The following HDAC1 variants were observed in gnomAD, a reference collection of about 807,000 sequenced individuals.
HDAC1 encodes the protein protein deacetylase HDAC1.
In HDAC1, 18 loss-of-function variants were observed where a neutral mutation model predicts 65.5. The observed-to-expected ratio is 0.27, with a 90% CI of 0.19 to 0.41. The LOEUF is 0.41. Among genes scored for constraint, HDAC1 ranks in the 10% least tolerant of loss-of-function variants. The pLI is 1.00. For synonymous variants in HDAC1, 211 were observed against 227.9 expected (o/e 0.93, Z 0.67); for missense variants, 373 against 625.2 (o/e 0.60, Z 4.30).
intron 2 of HDAC1, among the ~76,000 whole-genome samples, chr1:32,303,498 C>T (rs1302307336): frequency 2.0e-5 from 3 of 151,792 alleles, no homozygotes; most frequent in Non-Finnish European, 4.4e-5. Context: ...AATTTAATGC[C>T]TAAATAAGAG....
chr1:32,298,790 GA>G (rs1294109451), intron 1 of HDAC1, among the ~76,000 whole-genome samples: 2 of 151,944 alleles, frequency 1.3e-5, no homozygotes, highest in African/African-American at 4.8e-5. Context: ...TTGAGGTCAG[GA>G]GTTCAAGACA....
chr1:32,295,551 C>T (rs1640758027), intron 1 of HDAC1, among the ~76,000 whole-genome samples: 1 of 152,076 alleles, frequency 6.6e-6, no homozygotes, highest in African/African-American at 2.4e-5. Context: ...TCAGTGTTTT[C>T]ATATGACAGA....
Position 32,327,176 on chromosome 1 carries a change from G to A in HDAC1, c.494+99G>A, listed in dbSNP as rs935361375. On this transcript the variant is annotated intron_variant, in intron 5 of 13. Coordinates refer to ENST00000373548, the MANE Select transcript of HDAC1 (RefSeq NM_004964.3). The surrounding 1 kb of genome is among the most constrained non-coding windows in gnomAD (Gnocchi z 6.0). ...GCCTCCCTAGTTTGCTTTTCCTACC[G>A]ATGTGCTGGCTAGGATGTGCTCGGT... 1.2e-5 allele frequency: 15 copies of A among 1,239,336 alleles called. No individual in the cohort carries two copies. Among genetic ancestry groups the A allele is most frequent in the Admixed American group, 1.8e-5 (1 of 54,820 alleles). The allele number at this position is 1,239,336 out of a possible 1,614,324, so 76.8% of individuals were successfully genotyped here.
chr1:32,332,789 G>A (rs1407729530), intron 13 of HDAC1, 40 bp downstream of exon 13: 4 of 1,511,310 alleles, frequency 2.6e-6, no homozygotes, highest in Non-Finnish European at 3.6e-6. Flanking sequence ...CCTGGCATTG[G>A]AGCACCAGCC....
intron 1 of HDAC1, among the ~76,000 whole-genome samples, chr1:32,301,985 C>A (rs1224947655): frequency 1.3e-5 from 2 of 151,930 alleles, no homozygotes; most frequent in Non-Finnish European, 2.9e-5. Flanking sequence ...ATTTTTTGAG[C>A]GAAGGAGTGA....
At chr1:32,296,235 T>C (rs1457889512) in intron 1 of HDAC1, among the ~76,000 whole-genome samples, 1 of 152,124 alleles carries the variant, frequency 6.6e-6, no homozygotes, top group Non-Finnish European at 1.5e-5. Context: ...GAGAGGTAGG[T>C]GAACCAGAAA....
chr1:32,317,674 T>G (rs1373115752), intron 3 of HDAC1, among the ~76,000 whole-genome samples: 1 of 152,170 alleles, frequency 6.6e-6, no homozygotes, highest in African/African-American at 2.4e-5. Flanking sequence ...CTTGAAGCAT[T>G]AAGCTTCTTT....
At chr1:32,322,605 A>C (rs927199291) in intron 3 of HDAC1, among the ~76,000 whole-genome samples, 4 of 152,160 alleles carry the variant, frequency 2.6e-5, no homozygotes, top group African/African-American at 9.7e-5. Context: ...ATTTGGAGCT[A>C]TAAAGTTCCT....
chr1:32,322,928 G>C (rs565716356), intron 3 of HDAC1, among the ~76,000 whole-genome samples: 2 of 152,322 alleles, frequency 1.3e-5, no homozygotes, highest in East Asian at 3.9e-4. Context: ...CCAGCTCATA[G>C]AGTTGTTGTG....
chr1:32,310,418 A>G (rs1337488377), intron 2 of HDAC1, among the ~76,000 whole-genome samples: 1 of 152,134 alleles, frequency 6.6e-6, no homozygotes, highest in Non-Finnish European at 1.5e-5. Flanking sequence ...GCATTTTAAG[A>G]CTGATAACTC....
At chr1:32,304,901 A>G (rs1036930525) in intron 2 of HDAC1, among the ~76,000 whole-genome samples, 5 of 152,084 alleles carry the variant, frequency 3.3e-5, no homozygotes, top group Admixed American at 1.3e-4. Context: ...TTGTAGAAAC[A>G]GGGTCTTGCT....
At chr1:32,301,226 C>T (rs912556493) in intron 1 of HDAC1, among the ~76,000 whole-genome samples, 3 of 151,600 alleles carry the variant, frequency 2.0e-5, no homozygotes, top group African/African-American at 7.3e-5. Flanking sequence ...GCGGGCAGAT[C>T]ACAAGGTCAG....
rs2148072801 is a variant in HDAC1, at chr1:32,331,197, A to G, written c.980-277A>G. 6.6e-6 allele frequency among the ~76,000 whole-genome samples: 1 copy of G among 152,294 alleles called. No individual in the cohort carries two copies. Among genetic ancestry groups the G allele is most frequent in the East Asian group, 1.9e-4 (1 of 5,184 alleles). On this transcript the variant is annotated intron_variant, in intron 9 of 13. Transcript: ENST00000373548. The surrounding 1 kb of genome is among the most constrained non-coding windows in gnomAD (Gnocchi z 4.2). The stretch of plus-strand genomic sequence containing the variant: ...GTAGAGTAACTGGAGTAGCGAGTGA[A>G]GGGAGCGCTCATAATGAGCATGGCC...
chr1:32,315,735 G>A (rs1233446857), intron 2 of HDAC1, among the ~76,000 whole-genome samples: 2 of 151,008 alleles, frequency 1.3e-5, no homozygotes, highest in East Asian at 4.0e-4. Flanking sequence ...GGAGGCCGAG[G>A]AGGGCGGATC....
intron 2 of HDAC1, among the ~76,000 whole-genome samples, chr1:32,308,156 C>T (rs2148060849): frequency 6.6e-6 from 1 of 152,250 alleles, no homozygotes; most frequent in East Asian, 1.9e-4. Flanking sequence ...CCCATCTCTA[C>T]TAAAAATACA....
At chr1:32,313,790 G>T (rs1240982534) in intron 2 of HDAC1, among the ~76,000 whole-genome samples, 1 of 152,150 alleles carries the variant, frequency 6.6e-6, no homozygotes, top group Non-Finnish European at 1.5e-5. Context: ...CCAAAGATGT[G>T]CATGTGAGGT....
At chr1:32,296,188 GT>G (rs888665714) in intron 1 of HDAC1, among the ~76,000 whole-genome samples, 1 of 152,156 alleles carries the variant, frequency 6.6e-6, no homozygotes, top group Non-Finnish European at 1.5e-5. Context: ...ATAAATATTT[GT>G]TGATTAAATG....
In HDAC1 at chr1:32,332,756, A is replaced by G; in HGVS notation, c.1421+7A>G. Reference sequence around the variant, plus strand: ...AGAAGCCAGAAGCCAAAGGGTGAGGAAGGAGCTGCCTGTGGCCATCTCCCT... The same window carrying G: ...AGAAGCCAGAAGCCAAAGGGTGAGGGAGGAGCTGCCTGTGGCCATCTCCCT... On this transcript the variant is annotated splice_region_variant and intron_variant, in intron 13 of 13. Transcript: ENST00000373548. The G allele has an allele frequency of 6.4e-7, 1 of 1,553,008 alleles. No individual in the cohort carries two copies. Among genetic ancestry groups the G allele is most frequent in the Non-Finnish European group, 8.7e-7 (1 of 1,147,278 alleles).
At position 32,305,606 on chromosome 1, in the gene HDAC1, C is replaced by CT. The variant is rs796787096; in HGVS notation, c.162+2891dup. Among the ~76,000 whole-genome samples the CT allele has an allele frequency of 7.5e-3, 1,011 of 134,558 alleles. 6 individuals are homozygous for CT. Among genetic ancestry groups the CT allele is most frequent in the African/African-American group, 0.018 (672 of 36,950 alleles). 88.3% of individuals were successfully genotyped at this position (134,558 alleles called of 152,430 possible). A position where few individuals can be genotyped will look rare whatever the true frequency, so the allele number is the denominator to read the frequency against. ...TTTTGCCCATTTTCCCATTGGTTGTCTTTTTTTTTTTTTTTTTTCCCTGAG... is the reference window on the plus strand; with the variant it reads ...TTTTGCCCATTTTCCCATTGGTTGTCTTTTTTTTTTTTTTTTTTTCCCTGAG... On this transcript the variant is annotated intron_variant, in intron 2 of 13. Coordinates refer to ENST00000373548, the MANE Select transcript of HDAC1 (RefSeq NM_004964.3).
Sources: gnomAD v4.1 joint callset for allele counts (sites outside exome capture counted in the v4.1 genomes callset) on GRCh38, gnomAD v4.1.1 for gene constraint, Gnocchi (gnomAD v3.1) non-coding constraint, MANE v1.5 for transcripts, NCBI Gene and HGNC (gene_info 2026-07-23, HGNC 2026-07-21) for gene names.